The following MAML2 variants were observed in gnomAD, a reference collection of about 807,000 sequenced individuals.
The protein encoded by MAML2 is mastermind-like protein 2.
Under a neutral mutation model 96.1 loss-of-function variants are expected in MAML2, and 22 were observed. That is an observed-to-expected ratio of 0.23 (90% CI 0.16 to 0.33). The LOEUF (loss-of-function observed/expected upper bound fraction) is 0.33. Ranked by LOEUF, MAML2 falls within the 10% of genes least tolerant of loss-of-function variation. The pLI is 1.00. For synonymous variants in MAML2, 561 were observed against 521.3 expected (o/e 1.08, Z -1.04); for missense variants, 1,367 against 1,392.4 (o/e 0.98, Z 0.29).
chr11:96,077,239 T>TTTTTTA (rs375340984), intron 2 of MAML2, among the ~76,000 whole-genome samples: 3 of 148,462 alleles, frequency 2.0e-5, no homozygotes, highest in African/African-American at 5.0e-5. Context: ...TTTTTTTTTT[T>TTTTTTA]AAAGACAGTC....
chr11:96,297,756 T>TATTCCCTAC (rs1252766309), intron 1 of MAML2, among the ~76,000 whole-genome samples: 33 of 152,230 alleles, frequency 2.2e-4, no homozygotes, highest in Non-Finnish European at 4.7e-4. Flanking sequence ...ACACTTGATT[T>TATTCCCTAC]ATTCCCTACA....
At chr11:96,034,088 C>T (rs1037724391) in intron 2 of MAML2, among the ~76,000 whole-genome samples, 8 of 152,258 alleles carry the variant, frequency 5.3e-5, no homozygotes, top group African/African-American at 1.4e-4. Flanking sequence ...CCTTATAGCT[C>T]TTGTTACTAA....
At chr11:96,128,713 G>T (rs916233225) in intron 1 of MAML2, among the ~76,000 whole-genome samples, 4 of 152,152 alleles carry the variant, frequency 2.6e-5, no homozygotes, top group African/African-American at 9.7e-5. Flanking sequence ...CAATAAACAA[G>T]TAAACATGGA....
At chr11:96,207,995 G>T (rs1464796774) in intron 1 of MAML2, among the ~76,000 whole-genome samples, 2 of 152,014 alleles carry the variant, frequency 1.3e-5, no homozygotes, top group African/African-American at 4.8e-5. Flanking sequence ...CACTTGCTGG[G>T]TTTTTTTCTA....
chr11:96,339,523 C>A (rs1400205115), intron 1 of MAML2, among the ~76,000 whole-genome samples: 1 of 152,222 alleles, frequency 6.6e-6, no homozygotes, highest in African/African-American at 2.4e-5. Flanking sequence ...GGGAAGCCCA[C>A]TGTGGCTCTT....
At position 95,985,662 on chromosome 11, in the gene MAML2, G is replaced by T. The variant is rs764862663; in HGVS notation, c.2344-20C>A. 2 of 1,478,046 alleles carry T rather than the reference G, an allele frequency of 1.4e-6. No homozygotes were observed. Among genetic ancestry groups the T allele is most frequent in the Non-Finnish European group, 1.9e-6 (2 of 1,061,492 alleles). The allele number at this position is 1,478,046 out of a possible 1,614,324, so 91.6% of individuals were successfully genotyped here. ...TTTCTCCTTGAGAAATGATATGAAA[G>T]CATATTATGTTGCATCATTCCCTTT... On this transcript the variant is annotated intron_variant, in intron 3 of 4. Coordinates refer to ENST00000524717, the MANE Select transcript of MAML2 (RefSeq NM_032427.4).
intron 2 of MAML2, among the ~76,000 whole-genome samples, chr11:96,078,224 A>G (rs2135795674): frequency 6.6e-6 from 1 of 152,276 alleles, no homozygotes; most frequent in East Asian, 1.9e-4. Context: ...TTCCACCACC[A>G]TGCCTGGCTC....
intron 1 of MAML2, among the ~76,000 whole-genome samples, chr11:96,150,766 G>A (rs574594987): frequency 3.9e-5 from 6 of 152,230 alleles, no homozygotes; most frequent in African/African-American, 1.4e-4. Flanking sequence ...GTTCAGACCT[G>A]CTTTACCCTT....
At chr11:96,111,881 C>T (rs1193447387) in intron 1 of MAML2, among the ~76,000 whole-genome samples, 1 of 152,104 alleles carries the variant, frequency 6.6e-6, no homozygotes, top group Non-Finnish European at 1.5e-5. Flanking sequence ...CTATATTCTG[C>T]TCTGAGGGAA....
intron 1 of MAML2, among the ~76,000 whole-genome samples, chr11:96,200,297 T>A (rs1162455372): frequency 6.6e-6 from 1 of 152,234 alleles, no homozygotes; most frequent in Non-Finnish European, 1.5e-5. Context: ...AAGCCATGGC[T>A]GAGCTCTGCA....
chr11:96,093,588 A>C, intron 1 of MAML2, 71 bp from the exon 2 acceptor site: 3 of 1,118,076 alleles, frequency 2.7e-6, no homozygotes, highest in Non-Finnish European at 2.6e-6. Flanking sequence ...ATAAAAAGTG[A>C]TGTGATATTT....
At chr11:96,016,809 C>T (rs959242099) in intron 2 of MAML2, among the ~76,000 whole-genome samples, 19 of 152,106 alleles carry the variant, frequency 1.2e-4, no homozygotes, top group Non-Finnish European at 2.6e-4. Flanking sequence ...AGAGTGCTTT[C>T]GGATTGTGTT....
intron 1 of MAML2, among the ~76,000 whole-genome samples, chr11:96,181,760 T>C (rs1861489969): frequency 7.0e-6 from 1 of 142,186 alleles, no homozygotes; most frequent in African/African-American, 2.7e-5. Context: ...AGATACTGAG[T>C]ATCTTTTCTA....
chr11:96,137,791 C>T (rs993188070), intron 1 of MAML2, among the ~76,000 whole-genome samples: 23 of 152,098 alleles, frequency 1.5e-4, no homozygotes, highest in Admixed American at 6.5e-4. Flanking sequence ...TTTATAATTG[C>T]ATTAAACCTG....
intron 1 of MAML2, among the ~76,000 whole-genome samples, chr11:96,276,259 A>G (rs1214435207): frequency 1.3e-5 from 2 of 152,184 alleles, no homozygotes; most frequent in African/African-American, 4.8e-5. Context: ...AAATGGATCC[A>G]CTTTACTGAG....
At chr11:96,111,151 C>T (rs982492267) in intron 1 of MAML2, among the ~76,000 whole-genome samples, 4 of 152,222 alleles carry the variant, frequency 2.6e-5, no homozygotes, top group African/African-American at 9.6e-5. Flanking sequence ...ACTATCTGTG[C>T]TCACATAGTA....
chr11:96,060,085 G>T (rs554675345), intron 2 of MAML2, among the ~76,000 whole-genome samples: 173 of 152,348 alleles, frequency 1.1e-3, no homozygotes, highest in African/African-American at 3.9e-3. Context: ...CAGGTCCAGG[G>T]AACAGCACAA....
chr11:96,207,707 G>T (rs186702035), intron 1 of MAML2, among the ~76,000 whole-genome samples: 1 of 152,358 alleles, frequency 6.6e-6, no homozygotes, highest in East Asian at 1.9e-4. Context: ...ATGCATGGCT[G>T]TGAGTAAACC....
At chr11:96,019,909 T>C (rs1858410817) in intron 2 of MAML2, among the ~76,000 whole-genome samples, 1 of 152,202 alleles carries the variant, frequency 6.6e-6, no homozygotes, top group Non-Finnish European at 1.5e-5. Context: ...TTTTTCTCCA[T>C]ACTTATGACT....
Sources: allele counts gnomAD v4.1 joint callset (sites outside exome capture counted in the v4.1 genomes callset), GRCh38; gene constraint gnomAD v4.1.1; transcripts MANE v1.5; gene names NCBI Gene and HGNC (gene_info 2026-07-23, HGNC 2026-07-21).